CALCR: variants seen among roughly 807,000 people sequenced by gnomAD.
The protein encoded by CALCR is calcitonin receptor.
CALCR carries 47 observed loss-of-function variants against 59.5 expected under a neutral mutation model. That is an observed-to-expected ratio of 0.79 (90% CI 0.63 to 1.01). The LOEUF (loss-of-function observed/expected upper bound fraction) is 1.01, where lower values mean the gene tolerates loss of function less well. CALCR is among the 50% of genes least tolerant of loss of function. The probability of loss-of-function intolerance (pLI) is 0.00; values close to 1 mark genes in which losing one functional copy is unlikely to be tolerated. For missense variants in CALCR, 566 were observed against 597.1 expected (o/e 0.95, Z 0.54); for synonymous variants, 213 against 211.3 (o/e 1.01, Z -0.07).
intron 2 of CALCR, among the ~76,000 whole-genome samples, chr7:93,530,187 T>C (rs1033871067): frequency 8.5e-5 from 13 of 152,126 alleles, no homozygotes; most frequent in Non-Finnish European, 1.8e-4. Flanking sequence ...AAAATAGTGT[T>C]TGAGAAGTTA....
rs190114016 is a variant in CALCR, at chr7:93,546,822, A to G, written c.-27+27467T>C. Among the ~76,000 whole-genome samples, 345 of 152,066 alleles carry G rather than the reference A, an allele frequency of 2.3e-3. 3 individuals carry two copies. The highest frequency in any genetic ancestry group is 7.9e-3 in the African/African-American group (328 of 41,498). The stretch of plus-strand genomic sequence containing the variant: ...GTGATCCACCTGCCTTGGCCTCCCA[A>G]AGTGCTGGGATTACAGGCTTGAGCC... On this transcript the variant is annotated intron_variant, in intron 2 of 13. Transcript: ENST00000426151.
At chr7:93,535,620 C>A (rs1364275592) in intron 2 of CALCR, among the ~76,000 whole-genome samples, 1 of 151,776 alleles carries the variant, frequency 6.6e-6, no homozygotes, top group Non-Finnish European at 1.5e-5. Flanking sequence ...GACCATAGGG[C>A]ATCTCTCCTT....
Position 93,426,598 on chromosome 7 carries a change from G to C in CALCR, c.1192-9C>G. On this transcript the variant is annotated splice_polypyrimidine_tract_variant and intron_variant, in intron 13 of 13. Coordinates refer to ENST00000426151, the MANE Select transcript of CALCR (RefSeq NM_001742.4). ...TTCACGGTGGTTTGGACCTGGAAGA[G>C]AAAAAGGAGCCTTGTTTTTATATGA... 6.9e-7 allele frequency: 1 copy of C among 1,448,708 alleles called. No individual in the cohort carries two copies. Among genetic ancestry groups the C allele is most frequent in the Non-Finnish European group, 9.6e-7 (1 of 1,045,324 alleles). The allele number at this position is 1,448,708 out of a possible 1,614,324, so 89.7% of individuals were successfully genotyped here. A position where few individuals can be genotyped will look rare whatever the true frequency, so the allele number is the denominator to read the frequency against.
chr7:93,537,618 A>G (rs1584615236), intron 2 of CALCR, among the ~76,000 whole-genome samples: 2 of 151,868 alleles, frequency 1.3e-5, no homozygotes, highest in South Asian at 4.1e-4. Flanking sequence ...TAACAAAAAT[A>G]ATTTTTATGT....
chr7:93,491,042 CT>C (rs1481291930), intron 2 of CALCR, among the ~76,000 whole-genome samples: 1 of 152,018 alleles, frequency 6.6e-6, no homozygotes, highest in African/African-American at 2.4e-5. Flanking sequence ...CAGCATGGCA[CT>C]GGTACCAAAA....
intron 8 of CALCR, among the ~76,000 whole-genome samples, chr7:93,453,989 C>T (rs971023127): frequency 1.3e-5 from 2 of 152,094 alleles, no homozygotes; most frequent in African/African-American, 4.8e-5. Context: ...ATTACTGTCT[C>T]TGCATTGTCC....
chr7:93,446,810 G>A (rs1213548747), intron 8 of CALCR, among the ~76,000 whole-genome samples: 1 of 151,958 alleles, frequency 6.6e-6, no homozygotes, highest in Admixed American at 6.6e-5. Context: ...AGTCACACCA[G>A]TGTAATTTTG....
chr7:93,554,640 G>A (rs1048129202), intron 2 of CALCR, among the ~76,000 whole-genome samples: 2 of 151,726 alleles, frequency 1.3e-5, no homozygotes, highest in Non-Finnish European at 2.9e-5. Flanking sequence ...GAAAGTTTAA[G>A]ACCCATTAGC....
At chr7:93,445,702 T>C (rs563876686) in intron 8 of CALCR, among the ~76,000 whole-genome samples, 3 of 152,120 alleles carry the variant, frequency 2.0e-5, no homozygotes, top group Non-Finnish European at 2.9e-5. Flanking sequence ...TTATTTAACA[T>C]ATGTTGCTGC....
At chr7:93,462,747 A>C (rs1800362206) in intron 7 of CALCR, among the ~76,000 whole-genome samples, 1 of 152,052 alleles carries the variant, frequency 6.6e-6, no homozygotes, top group South Asian at 2.1e-4. Context: ...ACATTAGCTT[A>C]AATGACTTCA....
intron 2 of CALCR, chr7:93,495,954 G>T: frequency 6.6e-7 from 1 of 1,519,218 alleles, no homozygotes; most frequent in Non-Finnish European, 8.8e-7. Flanking sequence ...AAAGTGGGTG[G>T]ATCAGTGGGA....
At chr7:93,558,968 A>G (rs1257830024) in intron 2 of CALCR, among the ~76,000 whole-genome samples, 1 of 152,102 alleles carries the variant, frequency 6.6e-6, no homozygotes, top group African/African-American at 2.4e-5. Flanking sequence ...TGGGTGATTC[A>G]ATTGCTGATT....
intron 2 of CALCR, among the ~76,000 whole-genome samples, chr7:93,493,087 C>T (rs1423185089): frequency 6.6e-6 from 1 of 151,260 alleles, no homozygotes; most frequent in Admixed American, 6.6e-5. Flanking sequence ...TACATAAATA[C>T]ACATCCTAAC....
intron 2 of CALCR, among the ~76,000 whole-genome samples, chr7:93,489,477 G>T (rs1801025656): frequency 6.6e-6 from 1 of 151,562 alleles, no homozygotes; most frequent in Non-Finnish European, 1.5e-5. Flanking sequence ...AAAACCAGGA[G>T]CTGGTTTTTT....
Position 93,438,162 on chromosome 7 carries a change from A to G in CALCR, c.864-36T>C. The G allele has an allele frequency of 1.9e-6, 3 of 1,609,448 alleles. No homozygotes were observed. In the East Asian group the frequency reaches 6.7e-5, roughly 36 times the overall value. On this transcript the variant is annotated intron_variant, in intron 10 of 13. Coordinates refer to ENST00000426151, the MANE Select transcript of CALCR (RefSeq NM_001742.4). ...GCAAGGGGACAATTAATACACAAAT[A>G]CATTTTGTTTATGAATATGTTAACT...
At chr7:93,436,985 A>G (rs539480380) in intron 11 of CALCR, among the ~76,000 whole-genome samples, 1 of 151,660 alleles carries the variant, frequency 6.6e-6, no homozygotes, top group Non-Finnish European at 1.5e-5. Flanking sequence ...AGAAAAATCA[A>G]CTATTAAGGT....
At chr7:93,453,683 C>T (rs1800152544) in intron 8 of CALCR, among the ~76,000 whole-genome samples, 1 of 151,804 alleles carries the variant, frequency 6.6e-6, no homozygotes, top group South Asian at 2.1e-4. Context: ...TCACAAGATA[C>T]CATTTGTAAG....
At chr7:93,556,100 C>T (rs557736072) in intron 2 of CALCR, among the ~76,000 whole-genome samples, 1 of 152,190 alleles carries the variant, frequency 6.6e-6, no homozygotes, top group African/African-American at 2.4e-5. Context: ...TGAGGTTATC[C>T]TTAAGTCATC....
At chr7:93,447,958 A>T (rs1456965915) in intron 8 of CALCR, among the ~76,000 whole-genome samples, 1 of 151,958 alleles carries the variant, frequency 6.6e-6, no homozygotes, top group African/African-American at 2.4e-5. Flanking sequence ...ATATTTATTG[A>T]GCTTGTACTG....
Sources: gnomAD v4.1 joint callset for allele counts (sites outside exome capture counted in the v4.1 genomes callset) on GRCh38, gnomAD v4.1.1 for gene constraint, MANE v1.5 for transcripts, NCBI Gene and HGNC (gene_info 2026-07-23, HGNC 2026-07-21) for gene names.